The following VPS50 variants were observed in gnomAD, a reference collection of about 807,000 sequenced individuals.
VPS50 encodes VPS50 subunit of EARP/GARPII complex.
Under a neutral mutation model 139.7 loss-of-function variants are expected in VPS50, and 70 were observed. That is an observed-to-expected ratio of 0.50 (90% confidence interval 0.41 to 0.61). The LOEUF (loss-of-function observed/expected upper bound fraction) is 0.61. Ranked by LOEUF, VPS50 falls within the 20% of genes least tolerant of loss-of-function variation. The pLI is 0.00. For missense variants in VPS50, 921 were observed against 1,133.7 expected (o/e 0.81, Z 2.69); for synonymous variants, 365 against 376.7 (o/e 0.97, Z 0.36).
Position 93,341,461 on chromosome 7 carries a change from C to T in VPS50, c.2093C>T (p.Ala698Val). 6.2e-7 allele frequency: 1 copy of T among 1,612,398 alleles called. No homozygotes were observed. Among genetic ancestry groups the T allele is most frequent in the Non-Finnish European group, 8.5e-7 (1 of 1,179,168 alleles). ...GCTGATCCTACTGCCACACTCACAG[C>T]AGCAGAAGAAAGAAAGGAGAAGGTG... ...VSADPTATLT[A>V]AEERKEKVPS... The change falls in exon 23 of 28, where the codon GCA becomes GTA. Residue 698 changes from alanine to valine, a missense_variant. Around this residue, in one of 3 missense-constraint regions of VPS50, gnomAD observed 744 missense variants for 930.6 expected, o/e 0.80. Coordinates refer to ENST00000305866, the MANE Select transcript of VPS50 (RefSeq NM_017667.4).
At chr7:93,293,714 G>A (rs1037996415) in intron 13 of VPS50, among the ~76,000 whole-genome samples, 10 of 152,130 alleles carry the variant, frequency 6.6e-5, no homozygotes, top group African/African-American at 2.4e-4. Flanking sequence ...AACGTTCTAA[G>A]GTAAAGCTCT....
At chr7:93,322,305 T>C (rs1050706243) in intron 20 of VPS50, among the ~76,000 whole-genome samples, 5 of 152,152 alleles carry the variant, frequency 3.3e-5, no homozygotes, top group Admixed American at 6.5e-5. Context: ...ATGTCTTTAA[T>C]AGTACCAATT....
chr7:93,356,902 C>A (rs1265235847), intron 27 of VPS50, among the ~76,000 whole-genome samples: 1 of 152,118 alleles, frequency 6.6e-6, no homozygotes, highest in Admixed American at 6.6e-5. Context: ...CTGGCCTTAA[C>A]ACTGTAAAGA....
chr7:93,307,899 A>G (rs1797160559), intron 18 of VPS50, among the ~76,000 whole-genome samples: 1 of 151,882 alleles, frequency 6.6e-6, no homozygotes, highest in Non-Finnish European at 1.5e-5. Context: ...CTCAAAAAAT[A>G]GTTGTTGAAT....
At chr7:93,276,989 A>G (rs1796175242) in intron 12 of VPS50, among the ~76,000 whole-genome samples, 1 of 152,210 alleles carries the variant, frequency 6.6e-6, no homozygotes, top group African/African-American at 2.4e-5. Context: ...AGAAGAACCT[A>G]GAGTGATCAG....
intron 16 of VPS50, among the ~76,000 whole-genome samples, chr7:93,300,010 A>T (rs1796931354): frequency 6.6e-6 from 1 of 152,142 alleles, no homozygotes; most frequent in Non-Finnish European, 1.5e-5. Context: ...GTTTTCAAGG[A>T]TCTTAAAGTG....
intron 9 of VPS50, among the ~76,000 whole-genome samples, chr7:93,270,362 G>C (rs1795967889): frequency 6.6e-6 from 1 of 151,850 alleles, no homozygotes; most frequent in South Asian, 2.1e-4. Context: ...AGTTTTGCTT[G>C]TTTAGAACTT....
intron 20 of VPS50, among the ~76,000 whole-genome samples, chr7:93,321,862 TGTA>T (rs1308969406): frequency 6.6e-6 from 1 of 152,206 alleles, no homozygotes; most frequent in Admixed American, 6.5e-5. Context: ...AACTGAGTAA[TGTA>T]GTATATTATT....
chr7:93,254,207 T>C (rs991528466), intron 4 of VPS50, among the ~76,000 whole-genome samples: 2 of 152,234 alleles, frequency 1.3e-5, no homozygotes, highest in Admixed American at 1.3e-4. Context: ...TTTAGATTAG[T>C]AAGTACCTTT....
At chr7:93,296,104 T>C (rs1002597628) in intron 14 of VPS50, among the ~76,000 whole-genome samples, 1 of 152,194 alleles carries the variant, frequency 6.6e-6, no homozygotes, top group Non-Finnish European at 1.5e-5. Flanking sequence ...TCTTCATGAA[T>C]CAGTTAATAT....
chr7:93,299,421 C>T (rs1796910868), intron 16 of VPS50, among the ~76,000 whole-genome samples: 1 of 152,054 alleles, frequency 6.6e-6, no homozygotes, highest in African/African-American at 2.4e-5. Context: ...CTGTATGAAA[C>T]ATGGTGAAAT....
chr7:93,255,275 G>C (rs369211632), intron 4 of VPS50, among the ~76,000 whole-genome samples: 1 of 152,184 alleles, frequency 6.6e-6, no homozygotes, highest in South Asian at 2.1e-4. Context: ...GGGAGACAGT[G>C]ACAGATCATC....
chr7:93,357,305 T>C (rs2117100186), intron 27 of VPS50, among the ~76,000 whole-genome samples: 1 of 152,314 alleles, frequency 6.6e-6, no homozygotes, highest in Non-Finnish European at 1.5e-5. Flanking sequence ...GACTGATTTT[T>C]TTTTAACTTA....
At chr7:93,342,345 T>C (rs1160554900) in intron 23 of VPS50, among the ~76,000 whole-genome samples, 2 of 152,188 alleles carry the variant, frequency 1.3e-5, no homozygotes, top group Non-Finnish European at 2.9e-5. Flanking sequence ...GAAGTCTCGC[T>C]GATTGCTAGC....
chr7:93,248,691 G>A (rs571138045), intron 2 of VPS50, among the ~76,000 whole-genome samples: 45 of 152,108 alleles, frequency 3.0e-4, no homozygotes, highest in African/African-American at 7.7e-4. Context: ...GTGGAGCAGC[G>A]TGATGGAGAA....
rs980270552 is a variant in VPS50, at chr7:93,261,550, C to T, written c.659+1918C>T. ...AAAATTAGCCGGGCCTGGTGGCGGG[C>T]GCCTGTAGTCCCAGCTACTCGGGAG... On this transcript the variant is annotated intron_variant, in intron 9 of 27. Transcript: ENST00000305866. Among the ~76,000 whole-genome samples, 36 of 151,694 alleles carry T rather than the reference C, an allele frequency of 2.4e-4. 1 individual carries two copies. The highest frequency in any genetic ancestry group is 9.8e-4 in the Admixed American group (15 of 15,236).
In VPS50 at chr7:93,253,937, T is replaced by TAAA; in HGVS notation, c.297+14_297+16dup. 5 of 1,414,552 alleles carry TAAA rather than the reference T, an allele frequency of 3.5e-6. No homozygotes were observed. The highest frequency in any genetic ancestry group is 4.8e-6 in the Non-Finnish European group (5 of 1,036,336). The allele number at this position is 1,414,552 out of a possible 1,614,324, so 87.6% of individuals were successfully genotyped here. ...TGAAACAACAGCAAGCTGCAGTAAGTAAAAAAAAAACACATTTCTTTCTGG... is the reference window on the plus strand; with the variant it reads ...TGAAACAACAGCAAGCTGCAGTAAGTAAAAAAAAAAAAACACATTTCTTTCTGG... On this transcript the variant is annotated splice_region_variant and intron_variant, in intron 4 of 27. Coordinates refer to ENST00000305866, the MANE Select transcript of VPS50 (RefSeq NM_017667.4).
chr7:93,358,610 T>C lies in VPS50; in HGVS notation c.*174T>C, dbSNP rs1798771817. 2 of 553,520 alleles carry C rather than the reference T, an allele frequency of 3.6e-6. No individual in the cohort carries two copies. Among genetic ancestry groups the C allele is most frequent in the Admixed American group, 5.8e-5 (2 of 34,688 alleles). 34.3% of individuals were successfully genotyped at this position (553,520 alleles called of 1,614,324 possible). A position where few individuals can be genotyped will look rare whatever the true frequency, so the allele number is the denominator to read the frequency against. On this transcript the variant is annotated 3_prime_UTR_variant, in exon 28 of 28. Transcript: ENST00000305866. The stretch of plus-strand genomic sequence containing the variant: ...GTGTGGTGTTCTCATGACTTTTATA[T>C]GCTGTGGTCTCTTCAACTTTTGGTC...
Position 93,305,909 on chromosome 7 carries a change from A to T in VPS50, c.1534A>T (p.Thr512Ser). The change falls in exon 18 of 28, where the codon ACC becomes TCC. Residue 512 changes from threonine to serine, a missense_variant. By Grantham distance (58) the Thr-to-Ser change is moderately conservative. This residue lies in a region of VPS50 where 744 missense variants were observed against 930.6 expected (regional missense o/e 0.80). Coordinates refer to ENST00000305866, the MANE Select transcript of VPS50 (RefSeq NM_017667.4). Reference protein sequence around the residue: ...QPVSTSSKTVTLFEQYCSGGN... With the variant: ...QPVSTSSKTVSLFEQYCSGGN... Reference sequence around the variant, plus strand: ...AGTCTCAACTTCTTCAAAAACAGTGACCTTGTTTGAGCAGTACTGTAGTGG... The same window carrying T: ...AGTCTCAACTTCTTCAAAAACAGTGTCCTTGTTTGAGCAGTACTGTAGTGG... 1.2e-6 allele frequency: 2 copies of T among 1,611,530 alleles called. No homozygotes were observed. The highest frequency in any genetic ancestry group is 4.5e-5 in the East Asian group (2 of 44,820).
Sources: allele counts gnomAD v4.1 joint callset (sites outside exome capture counted in the v4.1 genomes callset), GRCh38; gene constraint gnomAD v4.1.1; regional missense constraint gnomAD v4.1.1; transcripts MANE v1.5; gene names NCBI Gene and HGNC (gene_info 2026-07-23, HGNC 2026-07-21).